The following GPR141 variants were observed in gnomAD, a reference collection of about 807,000 sequenced individuals.
GPR141 encodes G protein-coupled receptor 141.
A neutral mutation model predicts 6.8 loss-of-function variants in GPR141; 6 were observed. The ratio of observed to expected loss-of-function variants is 0.88; its 90% CI spans 0.48 to 1.74. The LOEUF is 1.74. Among genes scored for constraint, GPR141 ranks in the 40% most tolerant of loss-of-function variants. The pLI is 0.01. For synonymous variants in GPR141, 140 were observed against 142.3 expected, an observed-to-expected ratio of 0.98 and a Z score of 0.11; for missense variants, 372 against 372.9, an observed-to-expected ratio of 1.00 and a Z score of 0.02.
At chr7:37,722,535 A>G (rs1310758828) in intron 2 of GPR141, among the ~76,000 whole-genome samples, 1 of 152,078 alleles carries the variant, frequency 6.6e-6, no homozygotes. Flanking sequence ...TAGCCTGGCC[A>G]ACATGGTGAA....
At chr7:37,707,969 C>A (rs940979608) in intron 2 of GPR141, among the ~76,000 whole-genome samples, 1 of 152,050 alleles carries the variant, frequency 6.6e-6, no homozygotes, top group African/African-American at 2.4e-5. Flanking sequence ...CCACAGACTG[C>A]CTCTCAAAAC....
chr7:37,693,320 C>T (rs562317031), intron 2 of GPR141, among the ~76,000 whole-genome samples: 15 of 152,168 alleles, frequency 9.9e-5, no homozygotes, highest in East Asian at 3.9e-4. Context: ...TGTAGATATG[C>T]GGCATTATTT....
At chr7:37,708,417 C>T (rs1810640977) in intron 2 of GPR141, among the ~76,000 whole-genome samples, 1 of 149,104 alleles carries the variant, frequency 6.7e-6, no homozygotes, top group African/African-American at 2.5e-5. Context: ...TAGGAAGACA[C>T]ATTTCTTCCT....
At chr7:37,725,791 A>G (rs974593475) in intron 2 of GPR141, among the ~76,000 whole-genome samples, 2 of 151,378 alleles carry the variant, frequency 1.3e-5, no homozygotes, top group Non-Finnish European at 2.9e-5. Context: ...AGATGTCTGG[A>G]CTTTTCATTC....
chr7:37,715,396 C>G (rs1036749276), intron 2 of GPR141, among the ~76,000 whole-genome samples: 1 of 152,202 alleles, frequency 6.6e-6, no homozygotes, highest in Non-Finnish European at 1.5e-5. Context: ...TCCCAAAGTG[C>G]TGGGGACCAC....
At chr7:37,740,058 G>A (rs1397035520) in intron 2 of GPR141, among the ~76,000 whole-genome samples, 2 of 152,072 alleles carry the variant, frequency 1.3e-5, no homozygotes, top group East Asian at 3.8e-4. Context: ...TGTAGTACTA[G>A]TATCCAAGTA....
intron 2 of GPR141, among the ~76,000 whole-genome samples, chr7:37,689,504 C>T (rs1223932150): frequency 6.6e-6 from 1 of 152,054 alleles, no homozygotes; most frequent in East Asian, 1.9e-4. Context: ...GGTTCAGCAG[C>T]AAAGTCATGA....
At position 37,742,956 on chromosome 7, in the gene GPR141, C is replaced by T. The variant is rs1297061033; in HGVS notation, c.*1645C>T. Among the ~76,000 whole-genome samples the T allele has an allele frequency of 3.9e-5, 6 of 152,082 alleles. No individual in the cohort carries two copies. The highest frequency in any genetic ancestry group is 1.4e-4 in the African/African-American group (6 of 41,424). ...AACTTGTGGCATGTGGCACGTTAAA[C>T]TGATTTTATTTCAAGAACTTCTGTT... On this transcript the variant is annotated 3_prime_UTR_variant, in exon 3 of 3. Coordinates refer to ENST00000334425, the MANE Select transcript of GPR141 (RefSeq NM_001381946.1).
In GPR141 at chr7:37,706,414, T is replaced by C. The variant is rs116390997; in HGVS notation, c.-15+20831T>C. On this transcript the variant is annotated intron_variant, in intron 2 of 2. Transcript: ENST00000334425. ...AGTGAACTTTAAACAGCAAAATATT[T>C]GTAAAAGCATTTATCCAGATTCAAG... Among the ~76,000 whole-genome samples the C allele has an allele frequency of 5.4e-3, 816 of 152,288 alleles. 10 individuals carry two copies. Among genetic ancestry groups the C allele is most frequent in the African/African-American group, 0.018 (753 of 41,558 alleles).
chr7:37,723,180 A>G lies in GPR141; in HGVS notation c.-14-17200A>G, dbSNP rs529165215. ...GCTAATTTTTGTATTTTTAGTACAG[A>G]CGGGATTTCACCATGTTGGCCATGC... On this transcript the variant is annotated intron_variant, in intron 2 of 2. Transcript: ENST00000334425. Among the ~76,000 whole-genome samples the G allele has an allele frequency of 4.6e-5, 7 of 151,978 alleles. No individual in the cohort carries two copies. In the East Asian group the frequency reaches 5.8e-4, roughly 13 times the overall value.
At chr7:37,723,249 T>C (rs1811438879) in intron 2 of GPR141, among the ~76,000 whole-genome samples, 1 of 152,014 alleles carries the variant, frequency 6.6e-6, no homozygotes, top group African/African-American at 2.4e-5. Flanking sequence ...CACCTCGGCC[T>C]CCCAAAGTGC....
chr7:37,705,250 A>G (rs1583537168), intron 2 of GPR141, among the ~76,000 whole-genome samples: 1 of 150,636 alleles, frequency 6.6e-6, no homozygotes, highest in East Asian at 1.9e-4. Flanking sequence ...GCAGTCCACA[A>G]TTCATGTGTT....
chr7:37,720,314 A>G (rs1032208385), intron 2 of GPR141, among the ~76,000 whole-genome samples: 1 of 139,234 alleles, frequency 7.2e-6, no homozygotes. Context: ...GTGCCCATCA[A>G]TGGCTTTACA....
chr7:37,701,535 T>C (rs948177683), intron 2 of GPR141, among the ~76,000 whole-genome samples: 3 of 152,246 alleles, frequency 2.0e-5, no homozygotes, highest in African/African-American at 7.2e-5. Context: ...TAATGGTAAA[T>C]ATTTTTTTAG....
rs1562795072 is a variant in GPR141, at chr7:37,740,554, C to CG, written c.163dup (p.Val55GlyfsTer3). ...AACACCCGGTCAGTGACCACCATGG[C>CG]GGTCATTAACTTGGTGGTGGTCCAC... On this transcript the variant is annotated frameshift_variant, in exon 3 of 3. Transcript: ENST00000334425. LOFTEE classifies it low-confidence loss of function (END_TRUNC). The CG allele has an allele frequency of 6.2e-7, 1 of 1,614,002 alleles. No individual in the cohort carries two copies. The highest frequency in any genetic ancestry group is 1.1e-5 in the South Asian group (1 of 91,072).
intron 2 of GPR141, among the ~76,000 whole-genome samples, chr7:37,736,587 A>G (rs1812253080): frequency 6.6e-6 from 1 of 152,054 alleles, no homozygotes; most frequent in Admixed American, 6.5e-5. Flanking sequence ...TAATAGAAGC[A>G]ATGGCAATAT....
At chr7:37,734,941 T>A (rs1049485624) in intron 2 of GPR141, among the ~76,000 whole-genome samples, 1 of 152,254 alleles carries the variant, frequency 6.6e-6, no homozygotes, top group East Asian at 1.9e-4. Flanking sequence ...TACTATAACA[T>A]ATTTACATTA....
chr7:37,691,482 G>A (rs927002456), intron 2 of GPR141, among the ~76,000 whole-genome samples: 1 of 151,546 alleles, frequency 6.6e-6, no homozygotes, highest in Admixed American at 6.6e-5. Context: ...CTGTTATTTT[G>A]TTAATTGTTT....
At chr7:37,706,957 C>T (rs146573584) in intron 2 of GPR141, among the ~76,000 whole-genome samples, 18 of 152,132 alleles carry the variant, frequency 1.2e-4, no homozygotes, top group Admixed American at 7.2e-4. Flanking sequence ...AACCACCCAC[C>T]CAGCTGGTAC....
Sources: allele counts gnomAD v4.1 joint callset (sites outside exome capture counted in the v4.1 genomes callset), GRCh38; gene constraint gnomAD v4.1.1; transcripts MANE v1.5; gene names NCBI Gene and HGNC (gene_info 2026-07-23, HGNC 2026-07-21).